AGK: variants seen among roughly 807,000 people sequenced by gnomAD.
AGK encodes acylglycerol kinase, mitochondrial.
Under a neutral mutation model 66.4 loss-of-function variants are expected in AGK, and 52 were observed. The observed-to-expected ratio is 0.78, with a 90% CI of 0.63 to 0.99. The LOEUF (loss-of-function observed/expected upper bound fraction) is 0.99. Among genes scored for constraint, AGK ranks in the 50% least tolerant of loss-of-function variants. The pLI is 0.00. For synonymous variants in AGK, 182 were observed against 181.1 expected (o/e 1.00, Z -0.04); for missense variants, 451 against 506.6 (o/e 0.89, Z 1.05).
intron 3 of AGK, among the ~76,000 whole-genome samples, chr7:141,596,051 T>C (rs906115426): frequency 2.6e-5 from 4 of 152,224 alleles, no homozygotes; most frequent in African/African-American, 9.6e-5. Flanking sequence ...CCCCTGCCAG[T>C]TGCTGCTATT....
intron 11 of AGK, among the ~76,000 whole-genome samples, chr7:141,639,599 T>A (rs956588609): frequency 6.6e-6 from 1 of 152,152 alleles, no homozygotes; most frequent in Admixed American, 6.5e-5. Context: ...AGTTAAGGTA[T>A]TCTCACTGAT....
chr7:141,578,607 AG>A (rs1490892895), intron 2 of AGK, among the ~76,000 whole-genome samples: 2 of 151,882 alleles, frequency 1.3e-5, no homozygotes, highest in Non-Finnish European at 2.9e-5. Flanking sequence ...CAGCAGGAGT[AG>A]GGGCAGTGTG....
chr7:141,647,374 CCT>C (rs975091101), intron 13 of AGK, among the ~76,000 whole-genome samples: 3 of 152,206 alleles, frequency 2.0e-5, no homozygotes, highest in Non-Finnish European at 4.4e-5. Context: ...TCCTCTCTTC[CCT>C]GTCTTCCTCA....
At chr7:141,570,014 A>C (rs985016927) in intron 2 of AGK, among the ~76,000 whole-genome samples, 33 of 152,172 alleles carry the variant, frequency 2.2e-4, no homozygotes, top group African/African-American at 7.2e-4. Flanking sequence ...AACTTGTTAA[A>C]CTTCACTTTT....
chr7:141,601,364 G>C, intron 5 of AGK, 84 bp downstream of exon 5: 1 of 1,081,836 alleles, frequency 9.2e-7, no homozygotes, highest in Non-Finnish European at 1.4e-6. Flanking sequence ...AGCAAAAATT[G>C]CTTGTCACAA....
chr7:141,616,180 C>T (rs1796697983), intron 8 of AGK: 1 of 152,122 alleles, frequency 6.6e-6, no homozygotes, highest in Non-Finnish European at 1.5e-5. Flanking sequence ...GTAAACAAAG[C>T]TCTGCTCTTT....
chr7:141,634,829 G>C (rs2117000532), intron 10 of AGK, among the ~76,000 whole-genome samples: 1 of 144,632 alleles, frequency 6.9e-6, no homozygotes, highest in Non-Finnish European at 1.5e-5. Flanking sequence ...AGCCTGCCAT[G>C]CTTTTTTTTT....
intron 14 of AGK, 104 bp downstream of exon 14, chr7:141,649,437 G>C: frequency 2.3e-6 from 2 of 858,528 alleles, no homozygotes; most frequent in Non-Finnish European, 3.8e-6. Context: ...CCAAAGCCTT[G>C]TCTTGTTTGG....
intron 1 of AGK, among the ~76,000 whole-genome samples, chr7:141,552,506 C>T (rs950334224): frequency 2.0e-5 from 3 of 152,156 alleles, no homozygotes; most frequent in Admixed American, 6.5e-5. Flanking sequence ...GAGACTCTTG[C>T]GGGAAGGGGC....
intron 3 of AGK, among the ~76,000 whole-genome samples, chr7:141,594,707 C>T (rs1360083018): frequency 6.6e-6 from 1 of 152,072 alleles, no homozygotes; most frequent in African/African-American, 2.4e-5. Flanking sequence ...GGCTGGAGTG[C>T]AATGGCACAA....
intron 13 of AGK, among the ~76,000 whole-genome samples, chr7:141,643,835 A>G (rs1797343485): frequency 6.6e-6 from 1 of 152,138 alleles, no homozygotes; most frequent in African/African-American, 2.4e-5. Context: ...TTGAATTGTC[A>G]TGACTAAAAA....
At chr7:141,620,877 C>T (rs1796809445) in intron 8 of AGK, among the ~76,000 whole-genome samples, 1 of 152,164 alleles carries the variant, frequency 6.6e-6, no homozygotes. Context: ...AACAAGTTAA[C>T]CAGAGCCCAA....
chr7:141,616,577 T>C (rs1389297889), intron 8 of AGK, among the ~76,000 whole-genome samples: 1 of 152,098 alleles, frequency 6.6e-6, no homozygotes, highest in African/African-American at 2.4e-5. Flanking sequence ...TTAATAAGCA[T>C]CTTAGTCCAG....
At chr7:141,627,231 GAT>G (rs1796955960) in intron 9 of AGK, among the ~76,000 whole-genome samples, 1 of 152,154 alleles carries the variant, frequency 6.6e-6, no homozygotes, top group African/African-American at 2.4e-5. Context: ...TTAGAAAACA[GAT>G]ATTCTCACTT....
chr7:141,586,872 T>C (rs547837140), intron 2 of AGK, among the ~76,000 whole-genome samples: 19 of 152,304 alleles, frequency 1.2e-4, no homozygotes, highest in Non-Finnish European at 2.1e-4. Context: ...CTGTCAACTG[T>C]CCATGATCAG....
At chr7:141,649,231 A>G in intron 13 of AGK, 32 bp from the exon 14 acceptor site, 5 of 1,522,772 alleles carry the variant, frequency 3.3e-6, no homozygotes, top group Non-Finnish European at 3.6e-6. Flanking sequence ...AAATTTTAAG[A>G]GTAATGACGT....
intron 2 of AGK, among the ~76,000 whole-genome samples, chr7:141,560,416 T>A (rs1188619007): frequency 6.7e-6 from 1 of 149,092 alleles, no homozygotes; most frequent in African/African-American, 2.5e-5. Flanking sequence ...CTTCTTCTTC[T>A]TTTTTTTTTC....
intron 2 of AGK, among the ~76,000 whole-genome samples, chr7:141,569,546 A>AT (rs1487837326): frequency 2.0e-5 from 3 of 152,118 alleles, no homozygotes; most frequent in Non-Finnish European, 4.4e-5. Context: ...AAATAAAATA[A>AT]AATAATAATA....
rs1021109336 is a variant in AGK, at chr7:141,598,775, C to T, written c.221+2134C>T. ...CCTACTTCAGTGTAACTCTTCTATT[C>T]CTTTAGAGACCTAATAAATTAACAA... On this transcript the variant is annotated intron_variant, in intron 4 of 15. Coordinates refer to ENST00000649286, the MANE Select transcript of AGK (RefSeq NM_018238.4). This position sits in a 1 kb window ranked among gnomAD's most constrained non-coding sequence, Gnocchi z 4.2. Among the ~76,000 whole-genome samples the T allele has an allele frequency of 6.6e-6, 1 of 152,140 alleles. No individual in the cohort carries two copies. The highest frequency in any genetic ancestry group is 1.5e-5 in the Non-Finnish European group (1 of 68,028).
Sources: allele counts gnomAD v4.1 joint callset (sites outside exome capture counted in the v4.1 genomes callset), GRCh38; gene constraint gnomAD v4.1.1; non-coding constraint Gnocchi (gnomAD v3.1); transcripts MANE v1.5; gene names NCBI Gene and HGNC (gene_info 2026-07-23, HGNC 2026-07-21).